The following TNFSF4 variants were observed in gnomAD, a reference collection of about 807,000 sequenced individuals.
TNFSF4 encodes the protein tumor necrosis factor ligand superfamily member 4.
A neutral mutation model predicts 7.3 loss-of-function variants in TNFSF4; 4 were observed. The observed-to-expected ratio is 0.55, with a 90% CI of 0.27 to 1.25. The LOEUF (loss-of-function observed/expected upper bound fraction) is 1.25, where lower values mean the gene tolerates loss of function less well. Ranked by LOEUF, TNFSF4 falls within the 50% of genes most tolerant of loss-of-function variation. The pLI, the probability that TNFSF4 is intolerant of heterozygous loss-of-function variation, is 0.12. For missense variants in TNFSF4, 181 were observed against 208.8 expected, an observed-to-expected ratio of 0.87 and a Z score of 0.82; for synonymous variants, 76 against 83.7, an observed-to-expected ratio of 0.91 and a Z score of 0.50.
rs2102004562 is a variant in TNFSF4 at position 173,207,240 on chromosome 1, GT to G, written c.-65del. 2 of 1,500,862 alleles carry G rather than the reference GT, an allele frequency of 1.3e-6. No homozygotes were observed. The highest frequency in any genetic ancestry group is 1.8e-6 in the Non-Finnish European group (2 of 1,096,714). The allele number at this position is 1,500,862 out of a possible 1,614,324, so 93.0% of individuals were successfully genotyped here. The stretch of plus-strand genomic sequence containing the variant: ...AAGGGGAACGTGCGATAAAACTGAA[GT>G]TTTCCCCAGAAAGAAGGAGGTAAAG... On this transcript the variant is annotated 5_prime_UTR_variant, in exon 1 of 3. Transcript: ENST00000281834.
chr1:173,381,242 A>C, the TNFSF4 span, among the ~76,000 whole-genome samples: 1 of 152,238 alleles, frequency 6.6e-6, no homozygotes, highest in Non-Finnish European at 1.5e-5. Flanking sequence ...GCCGAGGCCT[A>C]GACCTCCTCA....
At chr1:173,385,515 G>A in the TNFSF4 span, among the ~76,000 whole-genome samples, 1 of 152,250 alleles carries the variant, frequency 6.6e-6, no homozygotes, top group South Asian at 2.1e-4. Context: ...TTTCTGTAAT[G>A]TTAGGGGCAT....
At chr1:173,333,047 C>T in the TNFSF4 span, among the ~76,000 whole-genome samples, 4 of 152,042 alleles carry the variant, frequency 2.6e-5, no homozygotes, top group East Asian at 1.9e-4. Context: ...AAATTACATG[C>T]GATATCACGC....
chr1:173,374,930 T>C, the TNFSF4 span, among the ~76,000 whole-genome samples: 3 of 152,146 alleles, frequency 2.0e-5, no homozygotes, highest in Admixed American at 2.0e-4. Flanking sequence ...TACCACATAC[T>C]CTCATAGGAT....
the TNFSF4 span, chr1:173,175,515 T>C: frequency 6.6e-6 from 1 of 152,216 alleles, no homozygotes; most frequent in Non-Finnish European, 1.5e-5. Flanking sequence ...CTATGCCTAC[T>C]TTATTTTTGC....
At chr1:173,340,685 A>T in the TNFSF4 span, among the ~76,000 whole-genome samples, 3 of 152,164 alleles carry the variant, frequency 2.0e-5, no homozygotes, top group Non-Finnish European at 4.4e-5. Context: ...GTTTCCCTGG[A>T]GGTCTCTCTC....
chr1:173,217,656 C>T, the TNFSF4 span, among the ~76,000 whole-genome samples: 2 of 152,128 alleles, frequency 1.3e-5, no homozygotes, highest in African/African-American at 2.4e-5. Context: ...TAGGCTAGTG[C>T]CACATATCTA....
At position 173,203,491 on chromosome 1, in the gene TNFSF4, A is replaced by G. The variant is rs573235776; in HGVS notation, c.153+3533T>C. Among the ~76,000 whole-genome samples the G allele has an allele frequency of 8.2e-4, 125 of 152,316 alleles. 1 individual carries two copies. The South Asian group carries it at 0.017, about 21-fold the overall frequency. ...TAAAAACTTTCTAAATGACATGGAG[A>G]CATTTAAATTAAGCTAATCTGAAAC... On this transcript the variant is annotated intron_variant, in intron 1 of 2. Transcript: ENST00000281834.
At chr1:173,425,344 G>C in the TNFSF4 span, among the ~76,000 whole-genome samples, 1 of 152,140 alleles carries the variant, frequency 6.6e-6, no homozygotes, top group Non-Finnish European at 1.5e-5. Flanking sequence ...AGACTGGCTA[G>C]GGGGTCATTT....
the TNFSF4 span, among the ~76,000 whole-genome samples, chr1:173,331,330 G>A: frequency 1.3e-5 from 2 of 152,156 alleles, no homozygotes; most frequent in African/African-American, 4.8e-5. Context: ...AAGCAGTATT[G>A]TATTTTGGTT....
At chr1:173,247,808 A>G in the TNFSF4 span, among the ~76,000 whole-genome samples, 3 of 152,188 alleles carry the variant, frequency 2.0e-5, no homozygotes, top group African/African-American at 7.2e-5. Flanking sequence ...CTATGTGCCA[A>G]GCTTCGTGAT....
the TNFSF4 span, among the ~76,000 whole-genome samples, chr1:173,321,276 T>C: frequency 6.6e-6 from 1 of 152,208 alleles, no homozygotes; most frequent in African/African-American, 2.4e-5. Flanking sequence ...GCTAGCCATA[T>C]GCAGAAAACT....
chr1:173,331,996 C>T, the TNFSF4 span, among the ~76,000 whole-genome samples: 1 of 152,054 alleles, frequency 6.6e-6, no homozygotes, highest in Non-Finnish European at 1.5e-5. Context: ...GCCAGGGGTG[C>T]TGCCAAACAT....
At chr1:173,231,336 G>C in the TNFSF4 span, among the ~76,000 whole-genome samples, 2 of 152,020 alleles carry the variant, frequency 1.3e-5, no homozygotes, top group Non-Finnish European at 2.9e-5. Context: ...CAGAACCAAA[G>C]GCAAAAACCA....
At chr1:173,301,893 T>C in the TNFSF4 span, among the ~76,000 whole-genome samples, 1 of 134,734 alleles carries the variant, frequency 7.4e-6, no homozygotes, top group Non-Finnish European at 1.6e-5. Context: ...TTCCCTGCAC[T>C]CACATAAATT....
the TNFSF4 span, among the ~76,000 whole-genome samples, chr1:173,438,895 T>G: frequency 0.011 from 1,705 of 152,330 alleles, 29 homozygotes; most frequent in African/African-American, 0.038. Context: ...TGTATCTTCA[T>G]GTACCCACCA....
At chr1:173,379,164 G>A in the TNFSF4 span, among the ~76,000 whole-genome samples, 5 of 152,210 alleles carry the variant, frequency 3.3e-5, no homozygotes, top group African/African-American at 7.2e-5. Context: ...GAGATATCTG[G>A]TATCTTAGTC....
the TNFSF4 span, among the ~76,000 whole-genome samples, chr1:173,409,713 G>GCATAAAAAT: frequency 3.3e-5 from 5 of 152,094 alleles, no homozygotes; most frequent in Admixed American, 1.3e-4. Flanking sequence ...TTCTTTTCTG[G>GCATAAAAAT]CATAAAAATA....
chr1:173,440,891 T>C, the TNFSF4 span: 4 of 152,242 alleles, frequency 2.6e-5, no homozygotes, highest in South Asian at 6.2e-4. Flanking sequence ...TACATATTAA[T>C]ACAATCTAAT....
Sources: gnomAD v4.1 joint callset for allele counts (sites outside exome capture counted in the v4.1 genomes callset) on GRCh38, gnomAD v4.1.1 for gene constraint, MANE v1.5 for transcripts, NCBI Gene and HGNC (gene_info 2026-07-23, HGNC 2026-07-21) for gene names.